RPF2: variants seen among roughly 807,000 people sequenced by gnomAD.
The protein encoded by RPF2 is ribosome production factor 2 homolog.
A neutral mutation model predicts 38.9 loss-of-function variants in RPF2; 21 were observed. The observed-to-expected ratio is 0.54, with a 90% CI of 0.38 to 0.78. The LOEUF (loss-of-function observed/expected upper bound fraction) is 0.78. Among genes scored for constraint, RPF2 ranks in the 30% least tolerant of loss-of-function variants. The pLI, the probability that RPF2 is intolerant of heterozygous loss-of-function variation, is 0.00. For synonymous variants in RPF2, 121 were observed against 126.2 expected, an observed-to-expected ratio of 0.96 and a Z score of 0.28; for missense variants, 314 against 358.1, an observed-to-expected ratio of 0.88 and a Z score of 0.99.
In RPF2 at chr6:110,984,142, G is replaced by C. The variant is rs571210089; in HGVS notation, c.24-864G>C. On this transcript the variant is annotated intron_variant, in intron 1 of 9. Coordinates refer to ENST00000441448, the MANE Select transcript of RPF2 (RefSeq NM_032194.3). ...TCAGCCTTATTATTCCCCATTGTTG[G>C]CAATAATACTGGCATTCTCAGCAAT... is the stretch of plus-strand genomic sequence containing the variant. Among the ~76,000 whole-genome samples, 10 of 152,240 alleles carry C rather than the reference G, an allele frequency of 6.6e-5. 1 individual carries two copies. The South Asian group carries it at 2.1e-3, about 32-fold the overall frequency.
At chr6:110,993,914 TA>T in intron 4 of RPF2, among the ~76,000 whole-genome samples, 1 of 152,268 alleles carries the variant, frequency 6.6e-6, no homozygotes, top group South Asian at 2.1e-4. Flanking sequence ...TTGGCAAAAA[TA>T]TACTGCTTGC....
chr6:111,010,575 GAGGC>G (rs1771995180), intron 7 of RPF2, among the ~76,000 whole-genome samples: 1 of 152,170 alleles, frequency 6.6e-6, no homozygotes, highest in South Asian at 2.1e-4. Context: ...TGACAGCCGC[GAGGC>G]CTCCATCTGA....
Position 111,008,138 on chromosome 6 carries a change from G to GT in RPF2, c.493+2dup, listed in dbSNP as rs1283785028. 6.3e-7 allele frequency: 1 copy of GT among 1,593,062 alleles called. No homozygotes were observed. Among genetic ancestry groups the GT allele is most frequent in the Non-Finnish European group, 8.5e-7 (1 of 1,171,444 alleles). On this transcript the variant is annotated splice_donor_variant, in intron 7 of 9. Coordinates refer to ENST00000441448, the MANE Select transcript of RPF2 (RefSeq NM_032194.3). LOFTEE classifies it high-confidence loss of function. Reference sequence around the variant, plus strand: ...AGAAGACTAAAAAGTCTTCTTATTGGTAAGTATTTTAGTATTTATTATCTT... The same window carrying GT: ...AGAAGACTAAAAAGTCTTCTTATTGGTTAAGTATTTTAGTATTTATTATCTT...
chr6:111,024,695 A>AGAGT (rs1491218573), intron 9 of RPF2, among the ~76,000 whole-genome samples: 4 of 146,622 alleles, frequency 2.7e-5, no homozygotes, highest in Non-Finnish European at 6.0e-5. Flanking sequence ...CGTGGGTGAC[A>AGAGT]GAGTGAGCCA....
At chr6:110,991,838 C>T (rs1307114266) in intron 4 of RPF2, 52 bp downstream of exon 4, 1 of 682,196 alleles carries the variant, frequency 1.5e-6, no homozygotes, top group Non-Finnish European at 2.3e-6. Context: ...AGTAATTATT[C>T]AGACTAATTC....
At chr6:111,010,193 T>A (rs747606074) in intron 7 of RPF2, among the ~76,000 whole-genome samples, 3 of 151,544 alleles carry the variant, frequency 2.0e-5, no homozygotes, top group Non-Finnish European at 4.4e-5. Context: ...ACTGGTGTGA[T>A]CACGTCTTAC....
At chr6:111,024,564 T>C (rs902912332) in intron 9 of RPF2, among the ~76,000 whole-genome samples, 8 of 151,754 alleles carry the variant, frequency 5.3e-5, no homozygotes, top group African/African-American at 1.9e-4. Context: ...ATACAAAAAA[T>C]TAGCTGGGCG....
chr6:111,022,899 T>TTTTG (rs1238934824), intron 8 of RPF2, among the ~76,000 whole-genome samples: 1 of 152,200 alleles, frequency 6.6e-6, no homozygotes, highest in Non-Finnish European at 1.5e-5. Flanking sequence ...TGATTTCTTT[T>TTTTG]TTTGTTTGTT....
chr6:111,002,034 G>A (rs1272563614), intron 6 of RPF2, among the ~76,000 whole-genome samples: 3 of 152,082 alleles, frequency 2.0e-5, no homozygotes, highest in Non-Finnish European at 4.4e-5. Context: ...AATCCCAGTA[G>A]CTTGGGAGGC....
At chr6:111,011,611 T>C (rs942523656) in intron 7 of RPF2, among the ~76,000 whole-genome samples, 11 of 152,130 alleles carry the variant, frequency 7.2e-5, no homozygotes, top group Non-Finnish European at 1.5e-4. Flanking sequence ...CCAGCCAAAA[T>C]GTCAGCCAGA....
Position 111,024,264 on chromosome 6 carries a change from G to A in RPF2, c.678G>A (p.Arg226=), listed in dbSNP as rs769973109. The A allele has an allele frequency of 1.2e-6, 2 of 1,612,150 alleles. No homozygotes were observed. The highest frequency in any genetic ancestry group is 1.7e-6 in the Non-Finnish European group (2 of 1,179,904). Residue 226 remains arginine, a synonymous_variant, in exon 9 of 10, where the codon AGG becomes AGA. Coordinates refer to ENST00000441448, the MANE Select transcript of RPF2 (RefSeq NM_032194.3). The stretch of plus-strand genomic sequence containing the variant: ...GACCCTCATTGGATCTGGTTCTGAG[G>A]AGGACACACCTGGCATCGGATGACC... ...EMGPSLDLVL[R]RTHLASDDLY...
intron 8 of RPF2, among the ~76,000 whole-genome samples, chr6:111,022,760 T>C (rs1772256422): frequency 6.6e-6 from 1 of 152,250 alleles, no homozygotes; most frequent in Admixed American, 6.5e-5. Flanking sequence ...TGTATAGTAG[T>C]ACTTGGGTGA....
intron 8 of RPF2, among the ~76,000 whole-genome samples, chr6:111,023,803 C>T (rs1241077690): frequency 2.6e-5 from 4 of 151,880 alleles, no homozygotes; most frequent in East Asian, 3.9e-4. Context: ...CTGGCTAACA[C>T]GGTGAAACCC....
Position 111,026,781 on chromosome 6 carries a change from A to C in RPF2, c.*1199A>C, listed in dbSNP as rs901518101. The C allele has an allele frequency of 1.3e-5, 2 of 152,240 alleles. No individual in the cohort carries two copies. Among genetic ancestry groups the C allele is most frequent in the Non-Finnish European group, 2.9e-5 (2 of 68,044 alleles). 9.4% of individuals were successfully genotyped at this position (152,240 alleles called of 1,614,324 possible). ...AATAGGGTGTTAAGTTCCTTGATTCAGTCCTTGACAAGGAATCTCCTTTAT... is the reference window on the plus strand; with the variant it reads ...AATAGGGTGTTAAGTTCCTTGATTCCGTCCTTGACAAGGAATCTCCTTTAT... On this transcript the variant is annotated 3_prime_UTR_variant, in exon 10 of 10. Coordinates refer to ENST00000441448, the MANE Select transcript of RPF2 (RefSeq NM_032194.3).
chr6:110,994,729 A>ATGAG (rs1771678924), intron 4 of RPF2, among the ~76,000 whole-genome samples: 10 of 122,054 alleles, frequency 8.2e-5, no homozygotes, highest in African/African-American at 2.9e-4. Flanking sequence ...TGGGATGAGT[A>ATGAG]TATATACACA....
At chr6:111,011,306 TTC>T (rs199520321) in intron 7 of RPF2, among the ~76,000 whole-genome samples, 8,461 of 142,144 alleles carry the variant, frequency 0.06, 324 homozygotes, top group Middle Eastern at 0.097. Flanking sequence ...CTTTCTTTCT[TTC>T]TTTTTTTTTT....
chr6:110,994,708 T>C (rs928936975), intron 4 of RPF2, among the ~76,000 whole-genome samples: 1 of 139,820 alleles, frequency 7.2e-6, no homozygotes, highest in Non-Finnish European at 1.5e-5. Context: ...AAAAGCAGAC[T>C]TTGTGGAGAA....
Position 111,010,564 on chromosome 6 carries a change from T to C in RPF2, c.493+2427T>C, listed in dbSNP as rs187883501. 3.3e-5 allele frequency among the ~76,000 whole-genome samples: 5 copies of C among 152,362 alleles called. No homozygotes were observed. In the East Asian group the frequency reaches 9.6e-4, roughly 29 times the overall value. On this transcript the variant is annotated intron_variant, in intron 7 of 9. Coordinates refer to ENST00000441448, the MANE Select transcript of RPF2 (RefSeq NM_032194.3). Reference sequence around the variant, plus strand: ...TTTATGGTCCTATTTCACCTTAGTGTTGACAGCCGCGAGGCCTCCATCTGA... The same window carrying C: ...TTTATGGTCCTATTTCACCTTAGTGCTGACAGCCGCGAGGCCTCCATCTGA...
intron 2 of RPF2, among the ~76,000 whole-genome samples, chr6:110,987,242 A>G (rs919489759): frequency 1.3e-5 from 2 of 151,972 alleles, no homozygotes; most frequent in African/African-American, 4.8e-5. Context: ...TTCTTTTAGT[A>G]GAGACAGGGT....
Sources: gnomAD v4.1 joint callset for allele counts (sites outside exome capture counted in the v4.1 genomes callset) on GRCh38, gnomAD v4.1.1 for gene constraint, MANE v1.5 for transcripts, NCBI Gene and HGNC (gene_info 2026-07-23, HGNC 2026-07-21) for gene names.